RBMX: variants seen among roughly 807,000 people sequenced by gnomAD.
The protein encoded by RBMX is RNA-binding motif protein, X chromosome.
In RBMX, 1 loss-of-function variant was observed where a neutral mutation model predicts 29.3. The ratio of observed to expected loss-of-function variants is 0.03; its 90% CI spans 0.01 to 0.16. The LOEUF (loss-of-function observed/expected upper bound fraction) is 0.16, where lower values mean the gene tolerates loss of function less well. Ranked by LOEUF, RBMX falls within the 10% of genes least tolerant of loss-of-function variation. RBMX has a pLI of 1.00. For synonymous variants in RBMX, 102 were observed against 102.3 expected (o/e 1.00, Z 0.02); for missense variants, 121 against 333.2 (o/e 0.36, Z 4.96).
downstream of RBMX, chrX:136,872,376 A>C (rs186348230): frequency 7.4e-5 from 84 of 1,137,978 alleles, no homozygotes; most frequent in Admixed American, 3.6e-4. Flanking sequence ...AAAACTAGTT[A>C]TCTCTCTTAA....
downstream of RBMX, among the ~76,000 whole-genome samples, chrX:136,871,321 G>C (rs2077682987): frequency 9.5e-6 from 1 of 105,288 alleles, no homozygotes; most frequent in Non-Finnish European, 1.9e-5. Context: ...TGCACCTGTA[G>C]TCCCAGCTAC....
downstream of RBMX, chrX:136,872,401 A>T: frequency 1.1e-5 from 12 of 1,054,089 alleles, no homozygotes; most frequent in African/African-American, 1.8e-5. Context: ...ATTCTTTTAA[A>T]ACTTGCCTAT....
intron 2 of RBMX, 33 bp downstream of exon 2, chrX:136,879,286 T>C (rs748463264): frequency 8.3e-7 from 1 of 1,201,953 alleles, no homozygotes; most frequent in Admixed American, 2.2e-5. Flanking sequence ...ATTTTAATTA[T>C]AATAGCCCAG....
chrX:136,873,992 G>A lies in RBMX; in HGVS notation c.*150C>T, dbSNP rs2230685. 383 of 1,092,322 alleles carry A rather than the reference G, an allele frequency of 3.5e-4. 1 individual carries two copies. In the African/African-American group the frequency reaches 6.5e-3, roughly 19 times the overall value. The allele number at this position is 1,092,322 out of a possible 1,213,427, so 90.0% of individuals were successfully genotyped here. ...ACATGTTTTACTTTTTTCCTCACAA[G>A]AACATAAAAATTATGGAGGGGAACT... On this transcript the variant is annotated 3_prime_UTR_variant, in exon 9 of 9. Coordinates refer to ENST00000320676, the MANE Select transcript of RBMX (RefSeq NM_002139.4).
downstream of RBMX, chrX:136,869,629 TTAG>T (rs761211312): frequency 3.4e-4 from 38 of 111,599 alleles, 1 homozygote; most frequent in East Asian, 0.01. Context: ...TGGTCTGTGA[TTAG>T]TAGTAGGTTG....
At chrX:136,869,229 A>C (rs755967086), downstream of RBMX, 4 of 112,857 alleles carry the variant, frequency 3.5e-5, no homozygotes, top group South Asian at 1.5e-3. Flanking sequence ...AATACAAAAC[A>C]TTCCAAAAAG....
At chrX:136,871,660 T>C (rs1050756127), downstream of RBMX, among the ~76,000 whole-genome samples, 1 of 108,253 alleles carries the variant, frequency 9.2e-6, no homozygotes, top group African/African-American at 3.4e-5. Flanking sequence ...ATTTTTTTTT[T>C]CCTCTTCTTG....
At chrX:136,871,983 T>C (rs2077688264), downstream of RBMX, among the ~76,000 whole-genome samples, 1 of 111,124 alleles carries the variant, frequency 9.0e-6, no homozygotes, top group Non-Finnish European at 1.9e-5. Flanking sequence ...TACTTCCTTG[T>C]TGAGAATGCT....
At chrX:136,880,356 A>T (rs1166525713) in intron 1 of RBMX, among the ~76,000 whole-genome samples, 1 of 112,343 alleles carries the variant, frequency 8.9e-6, no homozygotes, top group Non-Finnish European at 1.9e-5. Flanking sequence ...GCTCCAGCCT[A>T]CAAAGCCCCG....
chrX:136,879,302 A>G lies in RBMX; in HGVS notation c.109+17T>C, dbSNP rs1216762486. 8.3e-7 allele frequency: 1 copy of G among 1,204,008 alleles called. No homozygotes were observed. The highest frequency in any genetic ancestry group is 3.0e-5 in the East Asian group (1 of 33,792). On this transcript the variant is annotated intron_variant, in intron 2 of 8. Transcript: ENST00000320676. ...TTTTAATTATAATAGCCCAGCCTGT[A>G]CTGCCAGACAACTCACCTTCCACTA...
chrX:136,879,671 C>T (rs139748672), intron 1 of RBMX, among the ~76,000 whole-genome samples: 1,887 of 112,095 alleles, frequency 0.017, 13 homozygotes, highest in Non-Finnish European at 0.025. Flanking sequence ...AAAGGGCCAA[C>T]TTAACTTTTA....
In RBMX at chrX:136,879,132, T is replaced by C. The variant is rs780560540; in HGVS notation, c.110-9A>G. 8 of 1,210,952 alleles carry C rather than the reference T, an allele frequency of 6.6e-6. No individual in the cohort carries two copies. In the Admixed American group the frequency reaches 1.1e-4, roughly 16 times the overall value. On this transcript the variant is annotated splice_polypyrimidine_tract_variant and intron_variant, in intron 2 of 8. Coordinates refer to ENST00000320676, the MANE Select transcript of RBMX (RefSeq NM_002139.4). ...GTCTTTCATCAAGAGTACTAAAAAG[T>C]AGTTTTCAGAAAAATAAAGTGTTAC...
At chrX:136,873,229 T>C (rs1227956229), downstream of RBMX, 1 of 121,184 alleles carries the variant, frequency 8.3e-6, no homozygotes, top group African/African-American at 3.2e-5. Context: ...ACGGAAAAAC[T>C]AGTTTGCTTT....
chrX:136,871,085 G>C (rs1198987266), downstream of RBMX, among the ~76,000 whole-genome samples: 2 of 107,511 alleles, frequency 1.9e-5, no homozygotes, highest in Non-Finnish European at 3.8e-5. Flanking sequence ...TTGCACTCTA[G>C]CCTGGGCAAC....
intron 2 of RBMX, 30 bp downstream of exon 2, chrX:136,879,289 T>C: frequency 1.7e-6 from 2 of 1,200,035 alleles, no homozygotes; most frequent in Non-Finnish European, 2.3e-6. Flanking sequence ...TTAATTATAA[T>C]AGCCCAGCCT....
At chrX:136,877,848 A>G in intron 4 of RBMX, 67 bp downstream of exon 4, 1 of 1,037,200 alleles carries the variant, frequency 9.6e-7, no homozygotes, top group Non-Finnish European at 1.3e-6. Flanking sequence ...TAACCAAAGC[A>G]TCCACTTGGT....
intron 4 of RBMX, among the ~76,000 whole-genome samples, chrX:136,877,329 C>T (rs1474021288): frequency 1.1e-4 from 3 of 27,251 alleles, no homozygotes; most frequent in African/African-American, 4.5e-4. Flanking sequence ...CTAAACTCTA[C>T]CCCCCCCCCC....
intron 8 of RBMX, 96 bp downstream of exon 8, chrX:136,874,990 T>C: frequency 8.9e-7 from 1 of 1,121,761 alleles, no homozygotes; most frequent in Non-Finnish European, 1.2e-6. Flanking sequence ...CAAGCAAACA[T>C]CCCTTTAAAA....
chrX:136,876,125 G>T (rs200219692), intron 5 of RBMX, among the ~76,000 whole-genome samples: 322 of 77,385 alleles, frequency 4.2e-3, no homozygotes, highest in East Asian at 0.015. Flanking sequence ...TTTTTTTTTT[G>T]TTTTTTTTTT....
Sources: allele counts gnomAD v4.1 joint callset (sites outside exome capture counted in the v4.1 genomes callset), GRCh38; gene constraint gnomAD v4.1.1; transcripts MANE v1.5; gene names NCBI Gene and HGNC (gene_info 2026-07-23, HGNC 2026-07-21).